The following MDGA2 variants were observed in gnomAD, a reference collection of about 807,000 sequenced individuals.
The protein encoded by MDGA2 is MAM domain containing glycosylphosphatidylinositol anchor 2, also known as MAM domain-containing glycosylphosphatidylinositol anchor protein 2.
A neutral mutation model predicts 117.8 loss-of-function variants in MDGA2; 40 were observed. The observed-to-expected ratio is 0.34, with a 90% CI of 0.26 to 0.44. The LOEUF (loss-of-function observed/expected upper bound fraction) is 0.44. Among genes scored for constraint, MDGA2 ranks in the 20% least tolerant of loss-of-function variants. The pLI is 1.00. For synonymous variants in MDGA2, 452 were observed against 439.0 expected, an observed-to-expected ratio of 1.03 and a Z score of -0.37; for missense variants, 1,123 against 1,250.6, an observed-to-expected ratio of 0.90 and a Z score of 1.54.
chr14:47,404,024 C>A (rs187222770), intron 1 of MDGA2, among the ~76,000 whole-genome samples: 2 of 152,056 alleles, frequency 1.3e-5, no homozygotes, highest in Non-Finnish European at 2.9e-5. Flanking sequence ...ATTCATGTTT[C>A]CCTGTTTCTT....
intron 1 of MDGA2, among the ~76,000 whole-genome samples, chr14:47,438,632 T>C (rs893070528): frequency 3.3e-5 from 5 of 152,156 alleles, no homozygotes; most frequent in Non-Finnish European, 7.4e-5. Context: ...GCTCTATCCC[T>C]GCAGCTGCAA....
In MDGA2 at chr14:46,960,557, C is replaced by G. The variant is rs74968536; in HGVS notation, c.1820-2914G>C. ...TAAGGAGATCCAAGACTTAGCCACT[C>G]GTAAGCAGGCAATAATCCATGATTA... On this transcript the variant is annotated intron_variant, in intron 8 of 16. Coordinates refer to ENST00000399232, the MANE Select transcript of MDGA2 (RefSeq NM_001113498.3). 1.2e-3 allele frequency: 180 copies of G among 151,922 alleles called. 1 individual carries two copies. The highest frequency in any genetic ancestry group is 4.1e-3 in the African/African-American group (171 of 41,422). The allele number at this position is 151,922 out of a possible 1,614,324, so 9.4% of individuals were successfully genotyped here. A position where few individuals can be genotyped will look rare whatever the true frequency, so the allele number is the denominator to read the frequency against.
At position 46,866,247 on chromosome 14, in the gene MDGA2, A is replaced by G. The variant is rs1448896261; in HGVS notation, c.2752+7186T>C. Among the ~76,000 whole-genome samples the G allele has an allele frequency of 7.9e-5, 12 of 152,254 alleles. No homozygotes were observed. In the East Asian group the frequency reaches 2.3e-3, roughly 29 times the overall value. Reference sequence around the variant, plus strand: ...CTCAGAAATAATGCCACATATCCACAACTATCTGATCTTTGACAAACCTGA... The same window carrying G: ...CTCAGAAATAATGCCACATATCCACGACTATCTGATCTTTGACAAACCTGA... On this transcript the variant is annotated intron_variant, in intron 14 of 16. Transcript: ENST00000399232.
chr14:47,194,505 TA>T (rs1348634258), intron 3 of MDGA2, among the ~76,000 whole-genome samples: 1 of 152,104 alleles, frequency 6.6e-6, no homozygotes, highest in Non-Finnish European at 1.5e-5. Context: ...TCCCTTTGCA[TA>T]AGAGGAATAG....
At chr14:47,106,734 TAA>T (rs751934182) in intron 5 of MDGA2, among the ~76,000 whole-genome samples, 1 of 151,120 alleles carries the variant, frequency 6.6e-6, no homozygotes, top group Non-Finnish European at 1.5e-5. Context: ...CAGTGGAAGG[TAA>T]GCCCGTCCCC....
rs572290220 is a variant in MDGA2 at position 47,242,871 on chromosome 14, G to A, written c.421-24676C>T. Among the ~76,000 whole-genome samples the A allele has an allele frequency of 2.2e-3, 333 of 151,938 alleles. 8 individuals carry two copies. The highest frequency in any genetic ancestry group is 6.8e-3 in the Middle Eastern group (2 of 294). On this transcript the variant is annotated intron_variant, in intron 2 of 16. Coordinates refer to ENST00000399232, the MANE Select transcript of MDGA2 (RefSeq NM_001113498.3). ...GGCAGGCAGTTCCACCTGCAGCCCC[G>A]GTGTGGGATCCACTAGGTGAAGCCA...
Position 46,929,601 on chromosome 14 carries a change from G to GTATATATA in MDGA2, c.2090-9449_2090-9442dup, listed in dbSNP as rs756528353. ...TATACGTGTGTGTGTGTGTGTGTGT[G>GTATATATA]TATATATATATATATATATATATAT... On this transcript the variant is annotated intron_variant, in intron 9 of 16. Coordinates refer to ENST00000399232, the MANE Select transcript of MDGA2 (RefSeq NM_001113498.3). Among the ~76,000 whole-genome samples, 32 of 12,654 alleles carry GTATATATA rather than the reference G, an allele frequency of 2.5e-3. 1 individual carries two copies. Among genetic ancestry groups the GTATATATA allele is most frequent in the Non-Finnish European group, 5.2e-3 (31 of 5,956 alleles). 8.3% of individuals were successfully genotyped at this position (12,654 alleles called of 152,430 possible).
chr14:47,433,813 C>T (rs1180580736), intron 1 of MDGA2, among the ~76,000 whole-genome samples: 2 of 152,066 alleles, frequency 1.3e-5, no homozygotes, highest in Admixed American at 1.3e-4. Flanking sequence ...TCTAGCTATG[C>T]AGGAAACTAA....
chr14:47,672,201 T>C (rs1049281430), intron 1 of MDGA2, among the ~76,000 whole-genome samples: 2 of 152,358 alleles, frequency 1.3e-5, no homozygotes, highest in Non-Finnish European at 2.9e-5. Context: ...ACCCACCTCA[T>C]AGCTGTGACA....
At chr14:47,673,632 A>ATATGTGTGTGTG (rs1473067686) in intron 1 of MDGA2, among the ~76,000 whole-genome samples, 2 of 143,980 alleles carry the variant, frequency 1.4e-5, no homozygotes, top group African/African-American at 2.6e-5. Flanking sequence ...TATGACCTGG[A>ATATGTGTGTGTG]TGTGTGTGTG....
At chr14:47,110,875 C>T (rs981880581) in intron 5 of MDGA2, among the ~76,000 whole-genome samples, 3 of 152,106 alleles carry the variant, frequency 2.0e-5, no homozygotes, top group African/African-American at 7.2e-5. Flanking sequence ...AAAATCACAT[C>T]AGGGGATTAA....
rs1425770674 is a variant in MDGA2 at position 47,674,701 on chromosome 14, G to T, written c.96C>A (p.Pro32=). ...GCGCCCGGGCCAAGCCGAGGTGCCC[G>T]GGAACCGCTCGCCGAAGGAGGAAGC... The part of the protein sequence containing the change: ...GRRFLLRRAV[P]GHLGLARARV... The change falls in exon 1 of 17, where the codon CCC becomes CCA. Residue 32 remains proline, a synonymous_variant. Transcript: ENST00000399232. 7 of 1,022,630 alleles carry T rather than the reference G, an allele frequency of 6.8e-6. No individual in the cohort carries two copies. Among genetic ancestry groups the T allele is most frequent in the East Asian group, 2.6e-5 (1 of 38,434 alleles). The allele number at this position is 1,022,630 out of a possible 1,614,324, so 63.3% of individuals were successfully genotyped here. A position where few individuals can be genotyped will look rare whatever the true frequency, so the allele number is the denominator to read the frequency against.
intron 8 of MDGA2, among the ~76,000 whole-genome samples, chr14:46,982,526 T>C (rs1261864824): frequency 1.3e-5 from 2 of 151,474 alleles, no homozygotes; most frequent in South Asian, 2.1e-4. Context: ...CTGGCCAACA[T>C]GGTGAAACCC....
intron 8 of MDGA2, among the ~76,000 whole-genome samples, chr14:47,033,845 T>G (rs1888746992): frequency 6.6e-6 from 1 of 152,280 alleles, no homozygotes; most frequent in African/African-American, 2.4e-5. Context: ...CACCCCACAC[T>G]CACATATCTC....
intron 1 of MDGA2, among the ~76,000 whole-genome samples, chr14:47,529,768 G>T (rs909034603): frequency 6.6e-6 from 1 of 152,186 alleles, no homozygotes; most frequent in Non-Finnish European, 1.5e-5. Flanking sequence ...TAAGTTACAT[G>T]TTTGGCTAAA....
At chr14:47,622,347 G>A (rs1476105840) in intron 1 of MDGA2, among the ~76,000 whole-genome samples, 1 of 152,174 alleles carries the variant, frequency 6.6e-6, no homozygotes, top group Non-Finnish European at 1.5e-5. Context: ...AGACAACTGT[G>A]AAGGGGGCAA....
Position 47,666,505 on chromosome 14 carries a change from A to T in MDGA2, c.280+8012T>A, listed in dbSNP as rs564484363. Among the ~76,000 whole-genome samples, 4 of 152,288 alleles carry T rather than the reference A, an allele frequency of 2.6e-5. No individual in the cohort carries two copies. The South Asian group carries it at 8.3e-4, about 32-fold the overall frequency. On this transcript the variant is annotated intron_variant, in intron 1 of 16. Transcript: ENST00000399232. ...ACCAATCGACACTCTGTATCTAGCT[A>T]ATCTAGTGGGAATGTGGAGAACTTT...
intron 6 of MDGA2, among the ~76,000 whole-genome samples, chr14:47,067,025 G>T (rs939599371): frequency 6.6e-6 from 1 of 152,164 alleles, no homozygotes; most frequent in Admixed American, 6.5e-5. Flanking sequence ...TTAGGCAGGA[G>T]AAACTCTTGA....
chr14:47,093,846 T>C (rs770739896), intron 6 of MDGA2, among the ~76,000 whole-genome samples: 1 of 152,082 alleles, frequency 6.6e-6, no homozygotes, highest in Non-Finnish European at 1.5e-5. Context: ...AGGATGGGAA[T>C]TCGATGCACA....
Sources: allele counts gnomAD v4.1 joint callset (sites outside exome capture counted in the v4.1 genomes callset), GRCh38; gene constraint gnomAD v4.1.1; transcripts MANE v1.5; gene names NCBI Gene and HGNC (gene_info 2026-07-23, HGNC 2026-07-21).